Variants in SLC60A1 observed in about 807,000 individuals in gnomAD.
SLC60A1 encodes major facilitator superfamily domain containing 4.
the SLC60A1 span, among the ~76,000 whole-genome samples, chr1:205,580,192 C>G: frequency 2.2e-3 from 342 of 152,286 alleles, 1 homozygote; most frequent in African/African-American, 7.2e-3. This position sits in a 1 kb window ranked among gnomAD's most constrained non-coding sequence, Gnocchi z 5.0. Flanking sequence ...TGGTGTGACT[C>G]AGGGCTTGCC....
the SLC60A1 span, chr1:205,584,773 CCATCCTG>C: frequency 1.0e-6 from 1 of 978,604 alleles, no homozygotes; most frequent in East Asian, 2.4e-5. Flanking sequence ...TAAGTGGGCC[CCATCCTG>C]CAGGGCTCTT....
the SLC60A1 span, among the ~76,000 whole-genome samples, chr1:205,577,903 A>G: frequency 4.6e-5 from 7 of 152,244 alleles, no homozygotes; most frequent in Admixed American, 1.3e-4. The surrounding 1 kb of genome is among the most constrained non-coding windows in gnomAD (Gnocchi z 5.2). Flanking sequence ...AGCCTGCTTC[A>G]TAGCCTTGTC....
At chr1:205,589,918 G>C in the SLC60A1 span, among the ~76,000 whole-genome samples, 1 of 152,178 alleles carries the variant, frequency 6.6e-6, no homozygotes, top group Non-Finnish European at 1.5e-5. Context: ...CATGTTTTTT[G>C]AGATGGTGTG....
At chr1:205,585,116 A>G in the SLC60A1 span, 1 of 738,778 alleles carries the variant, frequency 1.4e-6, no homozygotes, top group Non-Finnish European at 2.3e-6. This position sits in a 1 kb window ranked among gnomAD's most constrained non-coding sequence, Gnocchi z 4.2. Context: ...AGTACACTTG[A>G]TTCAAAAATT....
At chr1:205,569,246 G>A in the SLC60A1 span, 2 of 1,569,912 alleles carry the variant, frequency 1.3e-6, no homozygotes, top group Non-Finnish European at 8.6e-7. Context: ...TCTTCTTCTC[G>A]CAGCAGCTCT....
At chr1:205,596,210 A>G in the SLC60A1 span, among the ~76,000 whole-genome samples, 2 of 152,234 alleles carry the variant, frequency 1.3e-5, no homozygotes, top group South Asian at 4.1e-4. Flanking sequence ...CCAGTGATCT[A>G]TAAGACAAGG....
chr1:205,598,886 G>C, the SLC60A1 span: 1 of 535,782 alleles, frequency 1.9e-6, no homozygotes, highest in African/African-American at 1.9e-5. Flanking sequence ...AGAACACAGA[G>C]CTGCAAGGGA....
chr1:205,593,246 G>A, the SLC60A1 span, among the ~76,000 whole-genome samples: 11 of 151,930 alleles, frequency 7.2e-5, no homozygotes, highest in Non-Finnish European at 1.0e-4. Context: ...CAAGGCAGGC[G>A]GATCACGAGG....
At chr1:205,593,197 G>A in the SLC60A1 span, among the ~76,000 whole-genome samples, 11 of 152,044 alleles carry the variant, frequency 7.2e-5, no homozygotes, top group Non-Finnish European at 1.3e-4. Flanking sequence ...CTGGCCGCGC[G>A]GGGTGGCTCA....
the SLC60A1 span, chr1:205,586,304 T>C: frequency 1.4e-6 from 2 of 1,421,818 alleles, no homozygotes; most frequent in Non-Finnish European, 1.9e-6. Context: ...GCCTACATTC[T>C]GCCAGCAGGA....
chr1:205,584,547 T>TA, the SLC60A1 span, among the ~76,000 whole-genome samples: 1,004 of 92,868 alleles, frequency 0.011, 4 homozygotes, highest in South Asian at 0.024. Flanking sequence ...CTTTTTTTTT[T>TA]TAAAAAAAAA....
chr1:205,578,495 C>T, the SLC60A1 span, among the ~76,000 whole-genome samples: 318 of 152,246 alleles, frequency 2.1e-3, 1 homozygote, highest in African/African-American at 7.3e-3. Context: ...CTGTCATGAT[C>T]GGTAATCTCC....
the SLC60A1 span, among the ~76,000 whole-genome samples, chr1:205,578,153 C>T: frequency 6.6e-6 from 1 of 152,322 alleles, no homozygotes; most frequent in African/African-American, 2.4e-5. Context: ...TTGGGGCATC[C>T]CTGCTTACGC....
the SLC60A1 span, chr1:205,592,207 G>A: frequency 3.7e-6 from 6 of 1,614,134 alleles, no homozygotes; most frequent in East Asian, 8.9e-5. Context: ...CTGTTCGTGG[G>A]GACGGCAAGC....
the SLC60A1 span, among the ~76,000 whole-genome samples, chr1:205,591,344 T>G: frequency 0.016 from 2,481 of 151,718 alleles, 49 homozygotes; most frequent in African/African-American, 0.056. Flanking sequence ...TTAGCAGGCG[T>G]GGTGGCACAT....
the SLC60A1 span, chr1:205,595,162 G>A: frequency 1.3e-5 from 2 of 152,234 alleles, no homozygotes; most frequent in African/African-American, 4.8e-5. Context: ...AGAAAACAGA[G>A]CTGATCACAA....
the SLC60A1 span, chr1:205,601,112 T>C: frequency 1.3e-5 from 2 of 152,284 alleles, no homozygotes; most frequent in African/African-American, 4.8e-5. Flanking sequence ...CAGCTGGTTA[T>C]TAAATGCAGC....
chr1:205,594,559 G>A, the SLC60A1 span, among the ~76,000 whole-genome samples: 4 of 152,004 alleles, frequency 2.6e-5, no homozygotes, highest in South Asian at 4.2e-4. Flanking sequence ...GGGAGGCTGA[G>A]GCAGGAGAAT....
chr1:205,596,893 A>G, the SLC60A1 span, among the ~76,000 whole-genome samples: 1 of 152,174 alleles, frequency 6.6e-6, no homozygotes, highest in Non-Finnish European at 1.5e-5. Context: ...AGGAGGTGTG[A>G]TGCTCATCTT....
Sources: allele counts gnomAD v4.1 joint callset (sites outside exome capture counted in the v4.1 genomes callset), GRCh38; gene constraint gnomAD v4.1.1; non-coding constraint Gnocchi (gnomAD v3.1); transcripts MANE v1.5; gene names NCBI Gene and HGNC (gene_info 2026-07-23, HGNC 2026-07-21).